MTTP: variants seen among roughly 807,000 people sequenced by gnomAD.
MTTP encodes the protein microsomal triglyceride transfer protein large subunit.
Under a neutral mutation model 90.6 loss-of-function variants are expected in MTTP, and 49 were observed. That is an observed-to-expected ratio of 0.54 (90% CI 0.43 to 0.69). MTTP has a LOEUF of 0.69. MTTP is among the 30% of genes least tolerant of loss of function. The probability of loss-of-function intolerance (pLI) is 0.00; values close to 1 mark genes in which losing one functional copy is unlikely to be tolerated. For missense variants in MTTP, 945 were observed against 1,067.5 expected, an observed-to-expected ratio of 0.89 and a Z score of 1.60; for synonymous variants, 347 against 384.2, an observed-to-expected ratio of 0.90 and a Z score of 1.13.
intron 8 of MTTP, among the ~76,000 whole-genome samples, chr4:99,598,429 T>C (rs953940567): frequency 6.6e-6 from 1 of 152,142 alleles, no homozygotes; most frequent in Non-Finnish European, 1.5e-5. Context: ...AGAGATTACA[T>C]TAAACCTTAT....
At chr4:99,610,283 G>A (rs1255106436) in intron 12 of MTTP, among the ~76,000 whole-genome samples, 1 of 152,160 alleles carries the variant, frequency 6.6e-6, no homozygotes, top group African/African-American at 2.4e-5. Flanking sequence ...TATCCCAGGA[G>A]CAAAGCAAAA....
intron 10 of MTTP, among the ~76,000 whole-genome samples, chr4:99,605,339 T>TA (rs1725788766): frequency 1.3e-5 from 2 of 152,204 alleles, no homozygotes; most frequent in South Asian, 4.1e-4. Context: ...ATTCTATACA[T>TA]ACTCTTTTTG....
Position 99,611,157 on chromosome 4 carries a change from G to A in MTTP, c.1784G>A (p.Arg595Gln), listed in dbSNP as rs746293101. The change falls in exon 13 of 18, where the codon CGA becomes CAA. Residue 595 changes from arginine to glutamine, a missense_variant. Coordinates refer to ENST00000265517, the MANE Select transcript of MTTP (RefSeq NM_001386140.1). ...ATATGTTGCAGCAAAATTGTCCGTC[G>A]AGTTCTGAAGGAAATGGTCGCTCAC... ...FEMPASKIVR[R>Q]VLKEMVAHNY... 2.5e-5 allele frequency: 41 copies of A among 1,613,468 alleles called. No homozygotes were observed. The highest frequency in any genetic ancestry group is 3.1e-5 in the Non-Finnish European group (36 of 1,179,882).
chr4:99,583,060 G>C (rs987366983), intron 2 of MTTP, among the ~76,000 whole-genome samples: 1 of 152,108 alleles, frequency 6.6e-6, no homozygotes, highest in African/African-American at 2.4e-5. Context: ...TGATCAGGTA[G>C]ACAGCAACCA....
intron 3 of MTTP, among the ~76,000 whole-genome samples, chr4:99,586,145 T>A (rs1347871060): frequency 6.6e-6 from 1 of 152,130 alleles, no homozygotes; most frequent in Non-Finnish European, 1.5e-5. Context: ...GGCTCTCATA[T>A]TTACATTTTA....
chr4:99,601,664 A>C lies in MTTP; in HGVS notation c.1294A>C (p.Thr432Pro), dbSNP rs1560621481. The C allele has an allele frequency of 3.1e-6, 5 of 1,613,132 alleles. No individual in the cohort carries two copies. Among genetic ancestry groups the C allele is most frequent in the Non-Finnish European group, 1.7e-6 (2 of 1,179,326 alleles). Residue 432 changes from threonine to proline, a missense_variant, in exon 10 of 18, where the codon ACT becomes CCT. Thr to Pro is a conservative substitution (Grantham distance 38). Transcript: ENST00000265517. ...CATCAGAGAAACTGTTATGATCATC[A>C]CTGGGACACTTGTCAGAAAGTTGTG... is the stretch of plus-strand genomic sequence containing the variant. Reference protein sequence around the residue: ...SDIRETVMIITGTLVRKLCQN... With the variant: ...SDIRETVMIIPGTLVRKLCQN...
At chr4:99,600,346 A>G (rs1725663563) in intron 8 of MTTP, among the ~76,000 whole-genome samples, 1 of 152,120 alleles carries the variant, frequency 6.6e-6, no homozygotes, top group Non-Finnish European at 1.5e-5. Context: ...CTGAGTATAC[A>G]TTGTTTGAGT....
chr4:99,619,099 G>GT lies in MTTP; in HGVS notation c.2342+2dup. 2 of 1,612,696 alleles carry GT rather than the reference G, an allele frequency of 1.2e-6. No homozygotes were observed. Among genetic ancestry groups the GT allele is most frequent in the Non-Finnish European group, 1.7e-6 (2 of 1,178,870 alleles). ...AGTCTAAAACCCGAGTGAAAAATAG[G>GT]TAAGTGTTTATGCATTATACATTTA... On this transcript the variant is annotated splice_donor_variant, in intron 16 of 17. Coordinates refer to ENST00000265517, the MANE Select transcript of MTTP (RefSeq NM_001386140.1). LOFTEE classifies it high-confidence loss of function.
intron 15 of MTTP, among the ~76,000 whole-genome samples, chr4:99,615,452 A>C (rs1726075260): frequency 6.6e-6 from 1 of 152,238 alleles, no homozygotes; most frequent in Admixed American, 6.5e-5. Context: ...TCTATGAGAA[A>C]GATTGCCCCC....
At chr4:99,584,790 G>T (rs1725217192) in intron 3 of MTTP, among the ~76,000 whole-genome samples, 1 of 151,982 alleles carries the variant, frequency 6.6e-6, no homozygotes, top group Non-Finnish European at 1.5e-5. Flanking sequence ...TAGATTATGG[G>T]TGTTGGATAG....
rs752363618 is a variant in MTTP, at chr4:99,583,625, T to C, written c.393+108T>C. 3 of 1,333,878 alleles carry C rather than the reference T, an allele frequency of 2.2e-6. No homozygotes were observed. The East Asian group carries it at 7.0e-5, about 31-fold the overall frequency. The allele number at this position is 1,333,878 out of a possible 1,614,324, so 82.6% of individuals were successfully genotyped here. A position where few individuals can be genotyped will look rare whatever the true frequency, so the allele number is the denominator to read the frequency against. Reference sequence around the variant, plus strand: ...ACATTGTAACTACTTTTATGGTAAATGGAATTTCTTCAAGAACTAAAGAAC... The same window carrying C: ...ACATTGTAACTACTTTTATGGTAAACGGAATTTCTTCAAGAACTAAAGAAC... On this transcript the variant is annotated intron_variant, in intron 3 of 17. Transcript: ENST00000265517.
At chr4:99,600,054 GTTTT>G (rs1725656750) in intron 8 of MTTP, among the ~76,000 whole-genome samples, 1 of 152,014 alleles carries the variant, frequency 6.6e-6, no homozygotes, top group South Asian at 2.1e-4. Context: ...ACTATGGTGT[GTTTT>G]TATTTTTAAA....
chr4:99,615,255 G>A (rs544063041), intron 15 of MTTP, among the ~76,000 whole-genome samples: 2 of 152,354 alleles, frequency 1.3e-5, no homozygotes, highest in African/African-American at 4.8e-5. Flanking sequence ...TTCTGTTACT[G>A]TAGAGTGAAG....
chr4:99,606,463 A>G (rs1725818679), intron 10 of MTTP, among the ~76,000 whole-genome samples: 1 of 152,224 alleles, frequency 6.6e-6, no homozygotes, highest in South Asian at 2.1e-4. Context: ...ATGAAATTAA[A>G]AAGTGGCCTT....
chr4:99,591,656 G>C lies in MTTP; in HGVS notation c.624G>C (p.Leu208Phe), dbSNP rs1725423620. ...RSGFTTPNQV[L>F]GVSSKATSVT... ...ATGGCTATTTATTTATTTAGGTCTT[G>C]GGTGTCAGTTCAAAAGCTACATCTG... Residue 208 changes from leucine to phenylalanine, a missense_variant, in exon 6 of 18, where the codon TTG becomes TTC. Leu to Phe is a conservative substitution (Grantham distance 22). Coordinates refer to ENST00000265517, the MANE Select transcript of MTTP (RefSeq NM_001386140.1). The C allele has an allele frequency of 6.2e-7, 1 of 1,611,880 alleles. No homozygotes were observed. Among genetic ancestry groups the C allele is most frequent in the East Asian group, 2.2e-5 (1 of 44,798 alleles).
intron 4 of MTTP, 80 bp from the exon 5 acceptor site, chr4:99,591,155 C>T (rs1171100145): frequency 9.5e-7 from 1 of 1,052,986 alleles, no homozygotes; most frequent in Admixed American, 1.7e-5. Flanking sequence ...TTAGAGACCT[C>T]AATTTTCAAG....
chr4:99,577,873 C>T (rs984602305), intron 1 of MTTP, among the ~76,000 whole-genome samples: 1 of 152,132 alleles, frequency 6.6e-6, no homozygotes, highest in Non-Finnish European at 1.5e-5. Flanking sequence ...CACCTTTAAA[C>T]CTGTACACTT....
chr4:99,594,762 C>G lies in MTTP; in HGVS notation c.788C>G (p.Ala263Gly), dbSNP rs1725511019. 1 of 1,613,884 alleles carries G rather than the reference C, an allele frequency of 6.2e-7. No homozygotes were observed. The highest frequency in any genetic ancestry group is 1.7e-5 in the Admixed American group (1 of 59,992). ...AAATTAGAGCTGAAGACAACCGAAG[C>G]AGGCCCAAGATTGATGTCTGGAAAG... is the stretch of plus-strand genomic sequence containing the variant. ...KQKLELKTTE[A>G]GPRLMSGKQA... Residue 263 changes from alanine to glycine, a missense_variant, in exon 7 of 18, where the codon GCA (alanine) becomes GGA (glycine). Coordinates refer to ENST00000265517, the MANE Select transcript of MTTP (RefSeq NM_001386140.1).
At chr4:99,584,975 G>T (rs376748113) in intron 3 of MTTP, among the ~76,000 whole-genome samples, 60 of 152,164 alleles carry the variant, frequency 3.9e-4, no homozygotes, top group African/African-American at 1.4e-3. Context: ...TTATCACAGT[G>T]TATTGTCACT....
Sources: allele counts gnomAD v4.1 joint callset (sites outside exome capture counted in the v4.1 genomes callset), GRCh38; gene constraint gnomAD v4.1.1; transcripts MANE v1.5; gene names NCBI Gene and HGNC (gene_info 2026-07-23, HGNC 2026-07-21).